SUPT3H: variants seen among roughly 807,000 people sequenced by gnomAD.
The protein encoded by SUPT3H is transcription initiation protein SPT3 homolog.
SUPT3H carries 44 observed loss-of-function variants against 44.3 expected under a neutral mutation model. That is an observed-to-expected ratio of 0.99 (90% CI 0.78 to 1.28). The LOEUF is 1.28. SUPT3H is among the 50% of genes most tolerant of loss of function. The pLI is 0.00. For synonymous variants in SUPT3H, 124 were observed against 125.6 expected, an observed-to-expected ratio of 0.99 and a Z score of 0.09; for missense variants, 380 against 387.1, an observed-to-expected ratio of 0.98 and a Z score of 0.15.
At chr6:45,171,551 G>A (rs976789658) in intron 2 of SUPT3H, among the ~76,000 whole-genome samples, 5 of 151,926 alleles carry the variant, frequency 3.3e-5, no homozygotes, top group African/African-American at 1.2e-4. Context: ...AACTGAAGAG[G>A]ACCTTTCAAA....
At position 44,906,396 on chromosome 6, in the gene SUPT3H, C is replaced by T. The variant is rs536152109; in HGVS notation, c.912+26257G>A. On this transcript the variant is annotated intron_variant, in intron 10 of 10. Transcript: ENST00000371459. ...TGGCTAAGCCACCAAATCTATTTCACGATATTTGACTGTATTATGCATTGT... is the reference window on the plus strand; with the variant it reads ...TGGCTAAGCCACCAAATCTATTTCATGATATTTGACTGTATTATGCATTGT... Among the ~76,000 whole-genome samples, 39 of 152,214 alleles carry T rather than the reference C, an allele frequency of 2.6e-4. 1 individual carries two copies. The highest frequency in any genetic ancestry group is 6.8e-3 in the Middle Eastern group (2 of 292).
At chr6:45,079,814 A>C (rs1795543485) in intron 3 of SUPT3H, among the ~76,000 whole-genome samples, 1 of 152,230 alleles carries the variant, frequency 6.6e-6, no homozygotes, top group Admixed American at 6.5e-5. Flanking sequence ...TGGATTAAAG[A>C]CTTAAATCTA....
intron 2 of SUPT3H, among the ~76,000 whole-genome samples, chr6:45,134,509 T>G (rs1803973713): frequency 6.6e-6 from 1 of 151,988 alleles, no homozygotes. Context: ...AACTCAAAAG[T>G]CCAAAGCCTC....
chr6:45,204,014 G>A (rs972534059), intron 2 of SUPT3H, among the ~76,000 whole-genome samples: 2 of 152,066 alleles, frequency 1.3e-5, no homozygotes, highest in East Asian at 1.9e-4. Flanking sequence ...TTGGGAGGCC[G>A]AAGCTGGAGG....
At chr6:44,949,099 T>G (rs1474549972) in intron 9 of SUPT3H, among the ~76,000 whole-genome samples, 1 of 152,124 alleles carries the variant, frequency 6.6e-6, no homozygotes, top group Admixed American at 6.5e-5. Context: ...TAGAGACATG[T>G]ATGAAGCTGG....
chr6:45,088,038 C>T (rs911843928), intron 3 of SUPT3H, among the ~76,000 whole-genome samples: 7 of 151,906 alleles, frequency 4.6e-5, no homozygotes, highest in East Asian at 3.9e-4. Flanking sequence ...AGAGATAAAA[C>T]GAGAAGGCAT....
chr6:45,088,693 G>T (rs992400051), intron 3 of SUPT3H, among the ~76,000 whole-genome samples: 36 of 151,916 alleles, frequency 2.4e-4, no homozygotes, highest in Admixed American at 1.7e-3. Context: ...GGGATCAGGG[G>T]AGTCACATCT....
intron 10 of SUPT3H, among the ~76,000 whole-genome samples, chr6:44,928,153 C>T (rs116138765): frequency 0.018 from 2,704 of 152,198 alleles, 53 homozygotes; most frequent in South Asian, 0.092. Flanking sequence ...GGACCCTAGC[C>T]ATTTAGCTCC....
At chr6:45,287,357 TC>T (rs1168013871) in intron 2 of SUPT3H, among the ~76,000 whole-genome samples, 1 of 152,086 alleles carries the variant, frequency 6.6e-6, no homozygotes, top group Non-Finnish European at 1.5e-5. Context: ...GGTCAACAAA[TC>T]CAACTGTCCC....
At chr6:45,324,108 CCT>C (rs1268618328) in intron 2 of SUPT3H, among the ~76,000 whole-genome samples, 3 of 151,838 alleles carry the variant, frequency 2.0e-5, no homozygotes, top group Non-Finnish European at 4.4e-5. Context: ...CAAGTTCTCG[CCT>C]TTTTTTATTA....
chr6:45,282,716 A>G (rs1027583299), intron 2 of SUPT3H, among the ~76,000 whole-genome samples: 4 of 152,192 alleles, frequency 2.6e-5, no homozygotes, highest in Non-Finnish European at 4.4e-5. Flanking sequence ...CAACATGCAA[A>G]GTCAGGAAAT....
chr6:45,323,053 T>C, intron 2 of SUPT3H: 1 of 807,438 alleles, frequency 1.2e-6, no homozygotes, highest in African/African-American at 1.8e-5. Context: ...ATGTTTAAAT[T>C]ATGAGATGAC....
At chr6:45,230,686 A>ATATATATATATATATATATG (rs796866510) in intron 2 of SUPT3H, among the ~76,000 whole-genome samples, 1 of 116,796 alleles carries the variant, frequency 8.6e-6, no homozygotes. Flanking sequence ...ATATATATAT[A>ATATATATATATATATATATG]TTTTTGAGAT....
At chr6:45,063,767 T>C (rs1583329903) in intron 3 of SUPT3H, among the ~76,000 whole-genome samples, 1 of 138,806 alleles carries the variant, frequency 7.2e-6, no homozygotes. Flanking sequence ...GAAAAAAGAG[T>C]AAAAAGAAAT....
intron 2 of SUPT3H, among the ~76,000 whole-genome samples, chr6:45,302,161 T>G (rs1226972162): frequency 6.6e-6 from 1 of 151,980 alleles, no homozygotes; most frequent in Admixed American, 6.6e-5. Context: ...GTCACATGAG[T>G]AAGTTTTTTA....
chr6:45,132,389 A>C (rs1385871608), intron 2 of SUPT3H, among the ~76,000 whole-genome samples: 7 of 152,164 alleles, frequency 4.6e-5, no homozygotes, highest in Non-Finnish European at 8.8e-5. Flanking sequence ...GATTACTTTA[A>C]ACCTACTTTT....
Position 45,215,328 on chromosome 6 carries a change from C to A in SUPT3H, c.102-109322G>T, listed in dbSNP as rs114982970. Among the ~76,000 whole-genome samples the A allele has an allele frequency of 6.3e-3, 961 of 152,096 alleles. 2 individuals carry two copies. Among genetic ancestry groups the A allele is most frequent in the Non-Finnish European group, 0.01 (685 of 67,982 alleles). On this transcript the variant is annotated intron_variant, in intron 2 of 10. Coordinates refer to ENST00000371459, the MANE Select transcript of SUPT3H (RefSeq NM_003599.4). ...AAACTGCCAAAGGAAGACAATAATC[C>A]TCAGTGACAGACCCTAATGAAAAAG...
chr6:45,283,271 A>G (rs567473054), intron 2 of SUPT3H, among the ~76,000 whole-genome samples: 1 of 152,328 alleles, frequency 6.6e-6, no homozygotes, highest in East Asian at 1.9e-4. Context: ...AAAGGCTCCA[A>G]TTAAAAGACA....
At chr6:45,168,794 A>G (rs150561784) in intron 2 of SUPT3H, among the ~76,000 whole-genome samples, 143 of 152,296 alleles carry the variant, frequency 9.4e-4, no homozygotes, top group Middle Eastern at 3.4e-3. Flanking sequence ...GGGAAAGAAA[A>G]GCGTTTTGCT....
Sources: gnomAD v4.1 joint callset for allele counts (sites outside exome capture counted in the v4.1 genomes callset) on GRCh38, gnomAD v4.1.1 for gene constraint, MANE v1.5 for transcripts, NCBI Gene and HGNC (gene_info 2026-07-23, HGNC 2026-07-21) for gene names.